The following STOM variants were observed in gnomAD, a reference collection of about 807,000 sequenced individuals.
STOM encodes erythrocyte band 7 integral membrane protein.
In STOM, 25 loss-of-function variants were observed where a neutral mutation model predicts 30.6. The ratio of observed to expected loss-of-function variants is 0.82; its 90% CI spans 0.60 to 1.14. STOM has a LOEUF of 1.14. Among genes scored for constraint, STOM ranks in the 50% most tolerant of loss-of-function variants. The pLI is 0.00. For missense variants in STOM, 292 were observed against 365.2 expected (o/e 0.80, Z 1.63); for synonymous variants, 118 against 130.8 (o/e 0.90, Z 0.67).
chr9:121,344,943 G>A (rs1005490015), intron 6 of STOM, among the ~76,000 whole-genome samples: 1 of 152,152 alleles, frequency 6.6e-6, no homozygotes, highest in African/African-American at 2.4e-5. Context: ...AACATACAGA[G>A]AAACACGTAG....
intron 1 of STOM, among the ~76,000 whole-genome samples, chr9:121,366,431 A>G (rs2064504322): frequency 6.6e-6 from 1 of 152,136 alleles, no homozygotes; most frequent in African/African-American, 2.4e-5. Context: ...TTCTCTTTCC[A>G]TGCTTTAATA....
At chr9:121,361,797 T>C (rs1392518196) in intron 1 of STOM, among the ~76,000 whole-genome samples, 3 of 152,228 alleles carry the variant, frequency 2.0e-5, no homozygotes, top group Admixed American at 6.5e-5. Context: ...CCCAACCTTT[T>C]TGGCACCAGG....
chr9:121,355,250 ATAAT>A (rs1488644623), intron 2 of STOM, among the ~76,000 whole-genome samples: 2 of 131,478 alleles, frequency 1.5e-5, no homozygotes, highest in East Asian at 4.5e-4. Context: ...AAAAAAAAAA[ATAAT>A]AATAATAATA....
chr9:121,351,948 A>G lies in STOM; in HGVS notation c.321+1272T>C, dbSNP rs1010802819. On this transcript the variant is annotated intron_variant, in intron 4 of 6. Coordinates refer to ENST00000286713, the MANE Select transcript of STOM (RefSeq NM_004099.6). ...ATCTAGAATAAAACCTTAAGAAAAAAAATAATGAACTAATAGGGTTTTCTA... is the reference window on the plus strand; with the variant it reads ...ATCTAGAATAAAACCTTAAGAAAAAGAATAATGAACTAATAGGGTTTTCTA... Among the ~76,000 whole-genome samples the G allele has an allele frequency of 6.6e-5, 10 of 152,366 alleles. 2 individuals are homozygous for G. The South Asian group carries it at 1.7e-3, about 25-fold the overall frequency.
rs2064386606 is a variant in STOM, at chr9:121,356,038, T to C, written c.165+15A>G. 5.6e-6 allele frequency: 9 copies of C among 1,610,194 alleles called. No individual in the cohort carries two copies. Among genetic ancestry groups the C allele is most frequent in the Middle Eastern group, 1.6e-4 (1 of 6,076 alleles). ...GAGTTGACCCCTTCCCAGAAGTGAA[T>C]GAAATGTTCTTTACCTTTATGCACA... On this transcript the variant is annotated intron_variant, in intron 2 of 6. Transcript: ENST00000286713.
chr9:121,345,265 T>C, intron 6 of STOM, among the ~76,000 whole-genome samples: 1 of 152,172 alleles, frequency 6.6e-6, no homozygotes, highest in Non-Finnish European at 1.5e-5. Context: ...TCCACAGTGG[T>C]TGTATTAAGT....
intron 1 of STOM, among the ~76,000 whole-genome samples, chr9:121,357,408 C>T (rs576335030): frequency 1.0e-5 from 1 of 100,290 alleles, no homozygotes. Context: ...CTAGTGTACA[C>T]ACCATATTTT....
At chr9:121,344,521 C>T (rs1422192108) in intron 6 of STOM, among the ~76,000 whole-genome samples, 1 of 152,242 alleles carries the variant, frequency 6.6e-6, no homozygotes, top group East Asian at 1.9e-4. Context: ...CCGGCTTTGT[C>T]TAAATACAGG....
chr9:121,362,021 TC>T (rs1209374533), intron 1 of STOM, among the ~76,000 whole-genome samples: 1 of 151,868 alleles, frequency 6.6e-6, no homozygotes, highest in African/African-American at 2.4e-5. Flanking sequence ...AGTTGGGGAC[TC>T]CTGGTTTAGA....
intron 6 of STOM, 40 bp downstream of exon 6, chr9:121,347,975 G>T: frequency 6.4e-7 from 1 of 1,568,746 alleles, no homozygotes. Flanking sequence ...TAATAAAAGA[G>T]AAAACTCAGT....
intron 2 of STOM, among the ~76,000 whole-genome samples, chr9:121,355,231 C>CAATAAA (rs1554830881): frequency 3.6e-5 from 3 of 83,444 alleles, no homozygotes; most frequent in African/African-American, 1.5e-4. Flanking sequence ...GACTCCGTCT[C>CAATAAA]AAAAAAAAAA....
intron 6 of STOM, 66 bp downstream of exon 6, chr9:121,347,949 G>C (rs879606547): frequency 1.3e-6 from 2 of 1,513,592 alleles, no homozygotes; most frequent in East Asian, 4.8e-5. Flanking sequence ...CATGTTTTAC[G>C]TTTTTTTATA....
chr9:121,348,217 C>A, intron 5 of STOM, 68 bp from the exon 6 acceptor site: 2 of 1,605,146 alleles, frequency 1.2e-6, no homozygotes, highest in Non-Finnish European at 1.7e-6. Context: ...AGGCTGTATT[C>A]ATTGGGATTT....
At chr9:121,346,876 G>A (rs564787690) in intron 6 of STOM, among the ~76,000 whole-genome samples, 12 of 152,306 alleles carry the variant, frequency 7.9e-5, no homozygotes, top group Non-Finnish European at 1.0e-4. Flanking sequence ...AAAGAACAGC[G>A]TTCTGTGGTC....
chr9:121,354,949 G>A (rs1371956685), intron 2 of STOM, among the ~76,000 whole-genome samples: 2 of 151,940 alleles, frequency 1.3e-5, no homozygotes, highest in African/African-American at 4.8e-5. Context: ...CTCCTCAGCT[G>A]TTAACATTGT....
chr9:121,358,837 G>T (rs1589295839), intron 1 of STOM, among the ~76,000 whole-genome samples: 1 of 152,060 alleles, frequency 6.6e-6, no homozygotes, highest in East Asian at 1.9e-4. Context: ...AAGAGGTCAG[G>T]TATACTATCA....
In STOM at chr9:121,341,061, C is replaced by T. The variant is rs2064241791; in HGVS notation, c.*141G>A. Reference sequence around the variant, plus strand: ...AGTATTTACAAGCTAACAATTCTTTCACCTATTTTTATAACTGCTATACAT... The same window carrying T: ...AGTATTTACAAGCTAACAATTCTTTTACCTATTTTTATAACTGCTATACAT... On this transcript the variant is annotated 3_prime_UTR_variant, in exon 7 of 7. Coordinates refer to ENST00000286713, the MANE Select transcript of STOM (RefSeq NM_004099.6). The T allele has an allele frequency of 2.0e-6, 3 of 1,468,016 alleles. No homozygotes were observed. The highest frequency in any genetic ancestry group is 1.4e-5 in the South Asian group (1 of 70,236). 90.9% of individuals were successfully genotyped at this position (1,468,016 alleles called of 1,614,324 possible). A position where few individuals can be genotyped will look rare whatever the true frequency, so the allele number is the denominator to read the frequency against.
intron 1 of STOM, among the ~76,000 whole-genome samples, chr9:121,363,385 G>T (rs1564632905): frequency 6.6e-6 from 1 of 151,958 alleles, no homozygotes; most frequent in Non-Finnish European, 1.5e-5. Context: ...TATGTATTCA[G>T]GATTAAGTGT....
At chr9:121,345,439 TAA>T (rs1397246427) in intron 6 of STOM, among the ~76,000 whole-genome samples, 1 of 152,216 alleles carries the variant, frequency 6.6e-6, no homozygotes, top group Non-Finnish European at 1.5e-5. Context: ...AATTTTTCTA[TAA>T]AGTCTCTTAA....
Sources: gnomAD v4.1 joint callset for allele counts (sites outside exome capture counted in the v4.1 genomes callset) on GRCh38, gnomAD v4.1.1 for gene constraint, MANE v1.5 for transcripts, NCBI Gene and HGNC (gene_info 2026-07-23, HGNC 2026-07-21) for gene names.